ANKRD37: variants seen among roughly 807,000 people sequenced by gnomAD.
ANKRD37 encodes ankyrin repeat domain-containing protein 37.
A neutral mutation model predicts 19.7 loss-of-function variants in ANKRD37; 17 were observed. The observed-to-expected ratio is 0.86, with a 90% CI of 0.59 to 1.29. The LOEUF (loss-of-function observed/expected upper bound fraction) is 1.29, where lower values mean the gene tolerates loss of function less well. ANKRD37 is among the 50% of genes most tolerant of loss of function. The probability of loss-of-function intolerance (pLI) is 0.00; values close to 1 mark genes in which losing one functional copy is unlikely to be tolerated. For missense variants in ANKRD37, 207 were observed against 190.4 expected (o/e 1.09, Z -0.51); for synonymous variants, 79 against 74.5 (o/e 1.06, Z -0.31).
Position 185,400,008 on chromosome 4 carries a change from T to A in ANKRD37, c.*-9T>A. 6.2e-7 allele frequency: 1 copy of A among 1,602,226 alleles called. No homozygotes were observed. The highest frequency in any genetic ancestry group is 8.5e-7 in the Non-Finnish European group (1 of 1,176,980). On this transcript the variant is annotated splice_polypyrimidine_tract_variant and intron_variant, in intron 4 of 4. Transcript: ENST00000335174. Reference sequence around the variant, plus strand: ...AAAGTTTTTAATGTTAACGTGTTTTTAAAAACAGATGTCACGTGGGTTATG... The same window carrying A: ...AAAGTTTTTAATGTTAACGTGTTTTAAAAAACAGATGTCACGTGGGTTATG...
At chr4:185,398,794 C>CAAA (rs34434090) in intron 2 of ANKRD37, 143 bp from the exon 3 acceptor site, 339 of 253,478 alleles carry the variant, frequency 1.3e-3, no homozygotes, top group Middle Eastern at 3.2e-3. Context: ...TGTTCTCTGC[C>CAAA]AAAAAAAAAA....
In ANKRD37 at chr4:185,398,976, G is replaced by A. The variant is rs776633685; in HGVS notation, c.220G>A (p.Val74Ile). Residue 74 changes from valine (V) to isoleucine (I), a missense_variant, in exon 3 of 5, where the codon GTT (valine) becomes ATT (isoleucine). Physicochemically the swap from Val to Ile is conservative, Grantham distance 29. Transcript: ENST00000335174. ...GEAPLHKAAKVGSLECLSLLV... is the reference protein window; with the variant it reads ...GEAPLHKAAKIGSLECLSLLV... ...AGCTCCACTACACAAGGCAGCAAAAGTTGGAAGCCTGGAGTGCCTAAGCCT... is the reference window on the plus strand; with the variant it reads ...AGCTCCACTACACAAGGCAGCAAAAATTGGAAGCCTGGAGTGCCTAAGCCT... The A allele has an allele frequency of 1.2e-6, 2 of 1,613,884 alleles. No homozygotes were observed. Among genetic ancestry groups the A allele is most frequent in the Admixed American group, 3.3e-5 (2 of 60,010 alleles).
At chr4:185,399,129 GTAATTGA>G in intron 3 of ANKRD37, 101 bp downstream of exon 3, 1 of 975,848 alleles carries the variant, frequency 1.0e-6, no homozygotes, top group South Asian at 1.4e-5. Context: ...TAATGCTTGC[GTAATTGA>G]TAATTTAGTG....
intron 2 of ANKRD37, 80 bp downstream of exon 2, chr4:185,397,382 G>T (rs115820456): frequency 0.033 from 51,064 of 1,528,064 alleles, 1,028 homozygotes; most frequent in South Asian, 0.047. Context: ...GCCAAGAGTT[G>T]TTTCAGCTGT....
chr4:185,399,329 T>C (rs1049702823), intron 3 of ANKRD37, among the ~76,000 whole-genome samples: 2 of 152,190 alleles, frequency 1.3e-5, no homozygotes, highest in East Asian at 1.9e-4. Flanking sequence ...TGGGTACTCA[T>C]ACACTGTATT....
chr4:185,397,499 A>G (rs1361627867), intron 2 of ANKRD37, 197 bp downstream of exon 2: 1 of 669,246 alleles, frequency 1.5e-6, no homozygotes, highest in Non-Finnish European at 2.3e-6. Context: ...AGAAATTTGA[A>G]GTTTTTAAGT....
downstream of ANKRD37, chr4:185,400,408 C>A (rs544348416): frequency 9.3e-6 from 15 of 1,612,904 alleles, no homozygotes; most frequent in East Asian, 3.1e-4. Context: ...CATATTTGGT[C>A]GCTGAGGAAG....
chr4:185,398,248 G>A (rs772188883), intron 2 of ANKRD37, among the ~76,000 whole-genome samples: 5 of 152,158 alleles, frequency 3.3e-5, no homozygotes, highest in Admixed American at 2.0e-4. Context: ...GTGAGCCACC[G>A]CGCCCAGCCA....
chr4:185,399,435 C>G, intron 3 of ANKRD37, 135 bp from the exon 4 acceptor site: 1 of 897,288 alleles, frequency 1.1e-6, no homozygotes, highest in Non-Finnish European at 1.7e-6. Flanking sequence ...ACCAAAAATG[C>G]AATTTCCTTA....
intron 3 of ANKRD37, 78 bp from the exon 4 acceptor site, chr4:185,399,492 C>T (rs2095510419): frequency 1.3e-6 from 2 of 1,492,798 alleles, no homozygotes; most frequent in Non-Finnish European, 1.8e-6. Flanking sequence ...TGTATGAGCC[C>T]AAAATTCCCT....
At chr4:185,399,259 T>C (rs2095510110) in intron 3 of ANKRD37, among the ~76,000 whole-genome samples, 1 of 152,228 alleles carries the variant, frequency 6.6e-6, no homozygotes, top group African/African-American at 2.4e-5. Context: ...TCATTATGAC[T>C]GTATTCTACT....
Position 185,398,942 on chromosome 4 carries a change from T to C in ANKRD37, c.186T>C (p.Val62=). 3 of 1,613,658 alleles carry C rather than the reference T, an allele frequency of 1.9e-6. No homozygotes were observed. Among genetic ancestry groups the C allele is most frequent in the Non-Finnish European group, 2.5e-6 (3 of 1,179,700 alleles). Residue 62 remains valine, a synonymous_variant, in exon 3 of 5, where the codon GTT becomes GTC. Coordinates refer to ENST00000335174, the MANE Select transcript of ANKRD37 (RefSeq NM_181726.4). ...ATGCACCATCTTACCTTAAGGATGT[T>C]TTAGGAGAAGCTCCACTACACAAGG... ...QTGADLNQQD[V]LGEAPLHKAA...
rs553394100 is a variant in ANKRD37 at position 185,400,199 on chromosome 4, T to C, written c.*182T>C. The C allele has an allele frequency of 1.1e-4, 75 of 696,064 alleles. No individual in the cohort carries two copies. The highest frequency in any genetic ancestry group is 4.9e-4 in the Middle Eastern group (2 of 4,044). 43.1% of individuals were successfully genotyped at this position (696,064 alleles called of 1,614,324 possible). ...TTACATGCCTATAATATGCTGGTTG[T>C]GTATGCTTTGTCTTTTAAGTTATTA... On this transcript the variant is annotated 3_prime_UTR_variant, in exon 5 of 5. Transcript: ENST00000335174.
In ANKRD37 at chr4:185,396,857, C is replaced by A; in HGVS notation, c.-67C>A. On this transcript the variant is annotated 5_prime_UTR_variant, in exon 1 of 5. Transcript: ENST00000335174. ...GGCCAGCCTGCGCATTCTTACCTGT[C>A]GGGGTGCGGCGAGTGTCTCACCTCT... 3 of 1,537,576 alleles carry A rather than the reference C, an allele frequency of 2.0e-6. No individual in the cohort carries two copies. Among genetic ancestry groups the A allele is most frequent in the South Asian group, 2.2e-5 (2 of 89,648 alleles).
chr4:185,399,055 T>A, intron 3 of ANKRD37, 27 bp downstream of exon 3: 1 of 1,589,502 alleles, frequency 6.3e-7, no homozygotes, highest in Non-Finnish European at 8.6e-7. Context: ...TGGCTTCACA[T>A]TTTATGTTTT....
At position 185,397,185 on chromosome 4, in the gene ANKRD37, C is replaced by G; in HGVS notation, c.63C>G (p.Ala21=). ...TGAAGCATTTGCTGGAGACAGGGGCCTCGGTCAACGCACCCCCGGATCCCT... is the reference window on the plus strand; with the variant it reads ...TGAAGCATTTGCTGGAGACAGGGGCGTCGGTCAACGCACCCCCGGATCCCT... The part of the protein sequence containing the change: ...DGLKHLLETG[A]SVNAPPDPCK... Residue 21 remains alanine (A), a synonymous_variant, in exon 2 of 5, where the codon GCC becomes GCG. Coordinates refer to ENST00000335174, the MANE Select transcript of ANKRD37 (RefSeq NM_181726.4). 6.2e-7 allele frequency: 1 copy of G among 1,613,826 alleles called. No individual in the cohort carries two copies. The highest frequency in any genetic ancestry group is 1.3e-5 in the African/African-American group (1 of 75,050).
Position 185,396,874 on chromosome 4 carries a change from C to T in ANKRD37, c.-50C>T. On this transcript the variant is annotated 5_prime_UTR_variant, in exon 1 of 5. Transcript: ENST00000335174. ...TTACCTGTCGGGGTGCGGCGAGTGTCTCACCTCTCTGCACTTCCAAGGACT... is the reference window on the plus strand; with the variant it reads ...TTACCTGTCGGGGTGCGGCGAGTGTTTCACCTCTCTGCACTTCCAAGGACT... 3 of 1,604,032 alleles carry T rather than the reference C, an allele frequency of 1.9e-6. No homozygotes were observed. The highest frequency in any genetic ancestry group is 2.6e-6 in the Non-Finnish European group (3 of 1,173,578).
chr4:185,400,308 A>G (rs575214617), downstream of ANKRD37: 191 of 1,129,516 alleles, frequency 1.7e-4, 4 homozygotes, highest in South Asian at 1.2e-3. Context: ...AACTAGAACC[A>G]GGATTTAATG....
At chr4:185,399,383 G>GCT (rs2095510317) in intron 3 of ANKRD37, among the ~76,000 whole-genome samples, 187 bp from the exon 4 acceptor site, 1 of 152,082 alleles carries the variant, frequency 6.6e-6, no homozygotes, top group Non-Finnish European at 1.5e-5. Context: ...TGGAATGCCC[G>GCT]CTCTATGCTG....
Sources: allele counts gnomAD v4.1 joint callset (sites outside exome capture counted in the v4.1 genomes callset), GRCh38; gene constraint gnomAD v4.1.1; transcripts MANE v1.5; gene names NCBI Gene and HGNC (gene_info 2026-07-23, HGNC 2026-07-21).